Variants in CHN1 observed in about 807,000 individuals in gnomAD.
CHN1 encodes chimerin 1.
Under a neutral mutation model 59.5 loss-of-function variants are expected in CHN1, and 37 were observed. The ratio of observed to expected loss-of-function variants is 0.62; its 90% CI spans 0.48 to 0.82. CHN1 has a LOEUF of 0.82. CHN1 is among the 40% of genes least tolerant of loss of function. The pLI is 0.00. For missense variants in CHN1, 469 were observed against 571.0 expected (o/e 0.82, Z 1.82); for synonymous variants, 206 against 200.4 (o/e 1.03, Z -0.24).
intron 5 of CHN1, among the ~76,000 whole-genome samples, chr2:174,891,153 A>G (rs903886348): frequency 2.0e-5 from 3 of 149,464 alleles, no homozygotes; most frequent in Middle Eastern, 6.9e-3. Flanking sequence ...AAAAAAAAAA[A>G]AAAAAAAAAA....
At chr2:174,905,728 T>C (rs370884087) in intron 5 of CHN1, among the ~76,000 whole-genome samples, 33 of 152,184 alleles carry the variant, frequency 2.2e-4, no homozygotes, top group African/African-American at 7.7e-4. Context: ...CGGCTAATTT[T>C]TGTATTTTTT....
At chr2:174,933,461 A>G (rs955088065) in intron 3 of CHN1, among the ~76,000 whole-genome samples, 12 of 152,150 alleles carry the variant, frequency 7.9e-5, no homozygotes, top group Admixed American at 7.2e-4. Flanking sequence ...CTTGTATCAG[A>G]TGCTCCTAAT....
chr2:174,986,116 C>A (rs1691332500), intron 1 of CHN1, among the ~76,000 whole-genome samples: 1 of 152,036 alleles, frequency 6.6e-6, no homozygotes, highest in Non-Finnish European at 1.5e-5. Flanking sequence ...CAAACCGTCA[C>A]ACTGGATCCC....
chr2:174,905,918 G>A (rs1228021128), intron 5 of CHN1, among the ~76,000 whole-genome samples: 1 of 152,148 alleles, frequency 6.6e-6, no homozygotes, highest in Non-Finnish European at 1.5e-5. Flanking sequence ...AATCTTTAAT[G>A]AGATAGCACT....
chr2:174,813,400 A>ATCTGGAAGCCCCTAGAGTCAG (rs1685140781), intron 8 of CHN1, among the ~76,000 whole-genome samples: 1 of 152,208 alleles, frequency 6.6e-6, no homozygotes, highest in East Asian at 1.9e-4. Flanking sequence ...ATGTTCAGTT[A>ATCTGGAAGCCCCTAGAGTCAG]TCTGGAAGCC....
At chr2:174,946,900 T>TAA (rs34155510) in intron 2 of CHN1, among the ~76,000 whole-genome samples, 123 of 100,190 alleles carry the variant, frequency 1.2e-3, no homozygotes, top group African/African-American at 4.2e-3. Flanking sequence ...CTAAAAAATG[T>TAA]AAAAAAAAAA....
At chr2:174,891,705 C>A (rs2105347543) in intron 5 of CHN1, among the ~76,000 whole-genome samples, 1 of 151,740 alleles carries the variant, frequency 6.6e-6, no homozygotes, top group East Asian at 1.9e-4. Flanking sequence ...AATTTTGCAC[C>A]TCAAGGAACT....
At chr2:174,989,087 G>A (rs1029366967) in intron 1 of CHN1, among the ~76,000 whole-genome samples, 2 of 152,050 alleles carry the variant, frequency 1.3e-5, no homozygotes, top group African/African-American at 4.8e-5. Context: ...TAAAATAAAA[G>A]ATAAACAAGG....
At chr2:174,865,317 T>C (rs939055975) in intron 6 of CHN1, among the ~76,000 whole-genome samples, 9 of 152,274 alleles carry the variant, frequency 5.9e-5, no homozygotes, top group South Asian at 2.1e-4. Context: ...ACTTAAAAGA[T>C]AGTGATCTAC....
At chr2:174,924,313 T>G (rs917647898) in intron 3 of CHN1, among the ~76,000 whole-genome samples, 3 of 152,214 alleles carry the variant, frequency 2.0e-5, no homozygotes, top group Non-Finnish European at 4.4e-5. Context: ...CTAAAAATTC[T>G]TATTTATCAC....
At chr2:174,854,031 A>AT (rs1686825737) in intron 6 of CHN1, among the ~76,000 whole-genome samples, 1 of 152,186 alleles carries the variant, frequency 6.6e-6, no homozygotes, top group Non-Finnish European at 1.5e-5. Flanking sequence ...AAACCTGCAC[A>AT]TGTACGCCCT....
intron 5 of CHN1, among the ~76,000 whole-genome samples, chr2:174,896,362 T>C (rs956985409): frequency 2.0e-5 from 3 of 152,270 alleles, no homozygotes; most frequent in African/African-American, 7.2e-5. Context: ...TTTTATCTCA[T>C]ACTGTTTTCA....
intron 5 of CHN1, among the ~76,000 whole-genome samples, chr2:174,888,911 G>A (rs1462599173): frequency 1.3e-5 from 2 of 152,206 alleles, no homozygotes; most frequent in African/African-American, 2.4e-5. Context: ...AGAAGCCAGT[G>A]CAGCCCGGTG....
chr2:174,869,686 A>C (rs998540936), intron 6 of CHN1, among the ~76,000 whole-genome samples: 1 of 152,180 alleles, frequency 6.6e-6, no homozygotes, highest in Non-Finnish European at 1.5e-5. Flanking sequence ...CTTTTTAAAA[A>C]TTCTTGGAAA....
chr2:174,944,625 T>C (rs970620034), intron 3 of CHN1, among the ~76,000 whole-genome samples: 1 of 152,162 alleles, frequency 6.6e-6, no homozygotes. Context: ...GAAAACACAA[T>C]GTATGAATTA....
chr2:174,816,358 GTGGTGGAAAACTGGCTTGT>G, intron 8 of CHN1, among the ~76,000 whole-genome samples: 1 of 152,346 alleles, frequency 6.6e-6, no homozygotes, highest in African/African-American at 2.4e-5. Flanking sequence ...TTGCAAGGTG[GTGGTGGAAAACTGGCTTGT>G]ACCTAGACTC....
rs531590539 is a variant in CHN1 at position 174,988,992 on chromosome 2, T to C, written c.19+15902A>G. The stretch of plus-strand genomic sequence containing the variant: ...TTCAAAAATAGTAGTGAAATTAATC[T>C]ATTATAAAGTCTTCATCTCTCAATC... On this transcript the variant is annotated intron_variant, in intron 1 of 12. Coordinates refer to ENST00000409900, the MANE Select transcript of CHN1 (RefSeq NM_001822.7). 8.5e-5 allele frequency among the ~76,000 whole-genome samples: 13 copies of C among 152,366 alleles called. No individual in the cohort carries two copies. In the South Asian group the frequency reaches 2.7e-3, roughly 32 times the overall value.
rs2105404258 is a variant in CHN1, at chr2:174,944,872, G to C, written c.114+16C>G. 1 of 1,567,388 alleles carries C rather than the reference G, an allele frequency of 6.4e-7. No individual in the cohort carries two copies. Among genetic ancestry groups the C allele is most frequent in the East Asian group, 2.3e-5 (1 of 43,398 alleles). On this transcript the variant is annotated intron_variant, in intron 3 of 12. Coordinates refer to ENST00000409900, the MANE Select transcript of CHN1 (RefSeq NM_001822.7). ...GGTTGAGAGACATTTTTTGGTAGCA[G>C]TTTCATTACACCCACCTCGCAAGTA... is the stretch of plus-strand genomic sequence containing the variant.
chr2:174,998,757 TTTTTAA>T (rs750495993), intron 1 of CHN1, among the ~76,000 whole-genome samples: 2 of 152,244 alleles, frequency 1.3e-5, no homozygotes, highest in Non-Finnish European at 2.9e-5. Flanking sequence ...TACCTATCAA[TTTTTAA>T]TTTTATTTTT....
Sources: gnomAD v4.1 joint callset for allele counts (sites outside exome capture counted in the v4.1 genomes callset) on GRCh38, gnomAD v4.1.1 for gene constraint, MANE v1.5 for transcripts, NCBI Gene and HGNC (gene_info 2026-07-23, HGNC 2026-07-21) for gene names.